CFAP54: variants seen among roughly 807,000 people sequenced by gnomAD.
CFAP54 encodes cilia- and flagella-associated protein 54.
A neutral mutation model predicts 370.4 loss-of-function variants in CFAP54; 290 were observed. That is an observed-to-expected ratio of 0.78 (90% CI 0.71 to 0.86). The LOEUF (loss-of-function observed/expected upper bound fraction) is 0.86, where lower values mean the gene tolerates loss of function less well. CFAP54 is among the 40% of genes least tolerant of loss of function. The probability of loss-of-function intolerance (pLI) is 0.00; values close to 1 mark genes in which losing one functional copy is unlikely to be tolerated. For missense variants in CFAP54, 3,399 were observed against 3,528.7 expected (o/e 0.96, Z 0.93); for synonymous variants, 1,206 against 1,236.5 (o/e 0.98, Z 0.52).
chr12:96,719,556 CT>C (rs1957724958), intron 49 of CFAP54, among the ~76,000 whole-genome samples: 1 of 152,212 alleles, frequency 6.6e-6, no homozygotes, highest in South Asian at 2.1e-4. Flanking sequence ...TTCACAGATT[CT>C]GTGTTTGCTA....
At chr12:96,622,036 T>G (rs1956501997) in intron 27 of CFAP54, among the ~76,000 whole-genome samples, 1 of 151,930 alleles carries the variant, frequency 6.6e-6, no homozygotes, top group South Asian at 2.1e-4. Flanking sequence ...ACTTAAAAGC[T>G]CTCTAAAGTC....
chr12:96,603,529 T>C (rs1307430152), intron 26 of CFAP54, among the ~76,000 whole-genome samples: 1 of 152,238 alleles, frequency 6.6e-6, no homozygotes, highest in African/African-American at 2.4e-5. Context: ...GAAATTCTCC[T>C]GGATAATATC....
intron 65 of CFAP54, among the ~76,000 whole-genome samples, chr12:96,826,866 T>C (rs1381781314): frequency 1.7e-5 from 2 of 117,192 alleles, no homozygotes; most frequent in African/African-American, 3.3e-5. Flanking sequence ...TATTATATAA[T>C]ATTATGATAT....
chr12:96,537,571 AC>A (rs1214913949), intron 12 of CFAP54, among the ~76,000 whole-genome samples: 8 of 151,964 alleles, frequency 5.3e-5, no homozygotes, highest in Non-Finnish European at 1.0e-4. Flanking sequence ...TGAACTCCTG[AC>A]CTCAGGTGAT....
At chr12:96,710,568 G>C (rs1043888304) in intron 48 of CFAP54, among the ~76,000 whole-genome samples, 1 of 152,112 alleles carries the variant, frequency 6.6e-6, no homozygotes, top group Non-Finnish European at 1.5e-5. Flanking sequence ...GTTTGCACAT[G>C]AAAGGTGTAC....
intron 1 of CFAP54, among the ~76,000 whole-genome samples, chr12:96,497,097 T>G (rs1954962886): frequency 6.6e-6 from 1 of 152,206 alleles, no homozygotes; most frequent in Non-Finnish European, 1.5e-5. Flanking sequence ...TACTAGGTAT[T>G]CACTACTGTT....
At chr12:96,564,310 G>T (rs1955843417) in intron 17 of CFAP54, among the ~76,000 whole-genome samples, 158 bp from the exon 18 acceptor site, 2 of 152,112 alleles carry the variant, frequency 1.3e-5, no homozygotes, top group Non-Finnish European at 2.9e-5. Flanking sequence ...TGATAAAACT[G>T]CATTATAGTA....
intron 66 of CFAP54, among the ~76,000 whole-genome samples, chr12:96,848,653 G>A (rs932070113): frequency 2.8e-4 from 43 of 152,018 alleles, no homozygotes; most frequent in African/African-American, 9.4e-4. Flanking sequence ...ATCTGAGATC[G>A]CACCACTGCA....
chr12:96,564,186 G>A (rs1242918650), intron 17 of CFAP54, among the ~76,000 whole-genome samples: 2 of 152,070 alleles, frequency 1.3e-5, no homozygotes, highest in Non-Finnish European at 2.9e-5. Flanking sequence ...GAAGTAGGTT[G>A]GATTCTATCA....
chr12:96,830,684 T>C (rs1959167971), intron 66 of CFAP54, among the ~76,000 whole-genome samples: 1 of 152,116 alleles, frequency 6.6e-6, no homozygotes, highest in African/African-American at 2.4e-5. Flanking sequence ...TGGGTTTGTT[T>C]TTTGTTTTTC....
intron 60 of CFAP54, among the ~76,000 whole-genome samples, chr12:96,777,779 G>A (rs988613422): frequency 3.3e-5 from 5 of 152,074 alleles, no homozygotes; most frequent in African/African-American, 7.3e-5. Flanking sequence ...TTTCTGCTAA[G>A]GCACTGGCCA....
At chr12:96,567,905 G>A (rs1310513580) in intron 19 of CFAP54, among the ~76,000 whole-genome samples, 1 of 152,034 alleles carries the variant, frequency 6.6e-6, no homozygotes, top group Non-Finnish European at 1.5e-5. Flanking sequence ...CAAGTGTTAA[G>A]GCTTAATGAT....
At chr12:96,662,430 C>T (rs1465157468) in intron 38 of CFAP54, among the ~76,000 whole-genome samples, 3 of 152,150 alleles carry the variant, frequency 2.0e-5, no homozygotes, top group Non-Finnish European at 4.4e-5. Flanking sequence ...GTCTTGAACT[C>T]CTGACCTCAG....
intron 42 of CFAP54, among the ~76,000 whole-genome samples, chr12:96,687,202 C>T (rs985232084): frequency 2.6e-5 from 4 of 152,146 alleles, no homozygotes; most frequent in Non-Finnish European, 4.4e-5. Context: ...TAAGGGCCAT[C>T]GTGACGATCC....
chr12:96,797,941 T>C (rs1477494614), intron 63 of CFAP54, among the ~76,000 whole-genome samples: 4 of 152,040 alleles, frequency 2.6e-5, no homozygotes, highest in Non-Finnish European at 5.9e-5. Context: ...TGGATTGATT[T>C]CTTTATCATT....
intron 58 of CFAP54, among the ~76,000 whole-genome samples, chr12:96,760,738 T>C (rs1416292402): frequency 3.3e-5 from 5 of 152,208 alleles, no homozygotes; most frequent in Non-Finnish European, 5.9e-5. Flanking sequence ...CCTGCTTCTT[T>C]CACCCAGTAT....
rs1186989127 is a variant in CFAP54, at chr12:96,664,767, ATATC to A, written c.5563+839_5563+842del. Among the ~76,000 whole-genome samples, 11 of 17,522 alleles carry A rather than the reference ATATC, an allele frequency of 6.3e-4. 1 individual carries two copies. Among genetic ancestry groups the A allele is most frequent in the African/African-American group, 2.6e-3 (10 of 3,880 alleles). The allele number at this position is 17,522 out of a possible 152,430, so 11.5% of individuals were successfully genotyped here. ...TATATATATATATCTATATATATCT[ATATC>A]TATATCTATATATATATATATATAT... On this transcript the variant is annotated intron_variant, in intron 39 of 67. Coordinates refer to ENST00000524981, the MANE Select transcript of CFAP54 (RefSeq NM_001306084.2).
intron 50 of CFAP54, among the ~76,000 whole-genome samples, chr12:96,723,833 C>A (rs532307738): frequency 1.9e-5 from 2 of 105,978 alleles, no homozygotes; most frequent in East Asian, 3.5e-4. Context: ...CCCCCCTCCC[C>A]CCACCCCACA....
At chr12:96,513,364 A>G (rs1209233193) in intron 5 of CFAP54, among the ~76,000 whole-genome samples, 1 of 152,176 alleles carries the variant, frequency 6.6e-6, no homozygotes. Context: ...TAGGGTGACC[A>G]TCCGTCCTGG....
Sources: allele counts gnomAD v4.1 joint callset (sites outside exome capture counted in the v4.1 genomes callset), GRCh38; gene constraint gnomAD v4.1.1; transcripts MANE v1.5; gene names NCBI Gene and HGNC (gene_info 2026-07-23, HGNC 2026-07-21).